CARMIL1: variants seen among roughly 807,000 people sequenced by gnomAD.
The protein encoded by CARMIL1 is F-actin-uncapping protein LRRC16A.
Under a neutral mutation model 177.1 loss-of-function variants are expected in CARMIL1, and 90 were observed. The ratio of observed to expected loss-of-function variants is 0.51; its 90% CI spans 0.43 to 0.61. The LOEUF is 0.61. Ranked by LOEUF, CARMIL1 falls within the 20% of genes least tolerant of loss-of-function variation. The pLI, the probability that CARMIL1 is intolerant of heterozygous loss-of-function variation, is 0.00. For missense variants in CARMIL1, 1,380 were observed against 1,667.0 expected (o/e 0.83, Z 3.00); for synonymous variants, 577 against 606.2 (o/e 0.95, Z 0.71).
chr6:25,576,044 G>A (rs1004450831), intron 29 of CARMIL1, among the ~76,000 whole-genome samples: 2 of 152,038 alleles, frequency 1.3e-5, no homozygotes, highest in Admixed American at 6.6e-5. Flanking sequence ...CTGACACTTC[G>A]CTTTCACAAA....
At chr6:25,494,862 A>G (rs1449816095) in intron 15 of CARMIL1, among the ~76,000 whole-genome samples, 2 of 152,250 alleles carry the variant, frequency 1.3e-5, no homozygotes, top group East Asian at 3.8e-4. Flanking sequence ...GTAAAACTCA[A>G]TGAATTCATT....
chr6:25,488,341 A>G (rs959304572), intron 12 of CARMIL1, 141 bp from the exon 13 acceptor site: 2 of 693,858 alleles, frequency 2.9e-6, no homozygotes, highest in African/African-American at 1.8e-5. Flanking sequence ...AGACACAATC[A>G]TAGCGCCACC....
At chr6:25,438,921 T>G (rs1176723670) in intron 5 of CARMIL1, among the ~76,000 whole-genome samples, 2 of 152,056 alleles carry the variant, frequency 1.3e-5, no homozygotes, top group Non-Finnish European at 2.9e-5. Flanking sequence ...GAAAGCTAAT[T>G]TGGACACTTG....
chr6:25,482,241 C>CT lies in CARMIL1; in HGVS notation c.875-11dup. 2.2e-6 allele frequency: 3 copies of CT among 1,381,708 alleles called. No individual in the cohort carries two copies. The highest frequency in any genetic ancestry group is 2.3e-5 in the East Asian group (1 of 42,648). 85.6% of individuals were successfully genotyped at this position (1,381,708 alleles called of 1,614,324 possible). The stretch of plus-strand genomic sequence containing the variant: ...GAGAACTTGAAAATTCTAATCGCTT[C>CT]TTTTTCCTTTCTCAGGTGTGTCCTC... On this transcript the variant is annotated splice_polypyrimidine_tract_variant and intron_variant, in intron 11 of 36. Transcript: ENST00000329474.
intron 8 of CARMIL1, chr6:25,451,986 G>GGGGGGGGGGGGGGGGGGGGCCCCC: frequency 8.9e-6 from 1 of 112,672 alleles, no homozygotes; most frequent in Non-Finnish European, 1.7e-5. Flanking sequence ...CTAGCATCTT[G>GGGGGGGGGGGGGGGGGGGGCCCCC]CCCCCCCCTC....
At chr6:25,456,727 CG>C (rs1409709148) in intron 8 of CARMIL1, among the ~76,000 whole-genome samples, 2 of 152,134 alleles carry the variant, frequency 1.3e-5, no homozygotes, top group African/African-American at 4.8e-5. Flanking sequence ...ATCGATTTCT[CG>C]TGTTCCTGAC....
intron 2 of CARMIL1, among the ~76,000 whole-genome samples, chr6:25,301,139 G>A (rs1229705134): frequency 6.6e-6 from 1 of 152,172 alleles, no homozygotes; most frequent in Admixed American, 6.5e-5. Context: ...CCCAAGGTAC[G>A]CATCGATAGG....
chr6:25,351,263 T>G lies in CARMIL1; in HGVS notation c.138+66354T>G. On this transcript the variant is annotated intron_variant, in intron 2 of 36. Coordinates refer to ENST00000329474, the MANE Select transcript of CARMIL1 (RefSeq NM_017640.6). ...TCTCATTAATAATTTTTTATATTGA[T>G]TACATGCTTAAAGGATAATGTTTTG... Among the ~76,000 whole-genome samples, 3 of 152,350 alleles carry G rather than the reference T, an allele frequency of 2.0e-5. No individual in the cohort carries two copies. The Middle Eastern group carries it at 0.01, about 518-fold the overall frequency.
At chr6:25,357,072 T>C (rs1046789805) in intron 2 of CARMIL1, among the ~76,000 whole-genome samples, 5 of 148,580 alleles carry the variant, frequency 3.4e-5, no homozygotes, top group Non-Finnish European at 7.4e-5. Context: ...GCAGAAGTCA[T>C]TGTGTTTTTT....
At chr6:25,565,418 T>G (rs1197032405) in intron 29 of CARMIL1, among the ~76,000 whole-genome samples, 1 of 152,188 alleles carries the variant, frequency 6.6e-6, no homozygotes, top group Non-Finnish European at 1.5e-5. Flanking sequence ...TAGTCAAGTC[T>G]GAATAAGGAG....
At chr6:25,408,292 T>TAAAAAAAAAA (rs1166997029) in intron 2 of CARMIL1, among the ~76,000 whole-genome samples, 3 of 96,454 alleles carry the variant, frequency 3.1e-5, no homozygotes, top group African/African-American at 4.2e-5. Flanking sequence ...TCTCTTAAAA[T>TAAAAAAAAAA]AAAAAAAAAA....
rs529554370 is a variant in CARMIL1 at position 25,593,433 on chromosome 6, C to T, written c.3007-982C>T. On this transcript the variant is annotated intron_variant, in intron 31 of 36. Coordinates refer to ENST00000329474, the MANE Select transcript of CARMIL1 (RefSeq NM_017640.6). ...AAGCAGTAAATTCCTTCTTCCTTAG[C>T]ATAAGGCTCAAGGCTGTTCCTTATG... Among the ~76,000 whole-genome samples, 76 of 152,314 alleles carry T rather than the reference C, an allele frequency of 5.0e-4. 1 individual carries two copies. The highest frequency in any genetic ancestry group is 1.6e-3 in the Admixed American group (25 of 15,302).
In CARMIL1 at chr6:25,515,276, CTA is replaced by C. The variant is rs1045445456; in HGVS notation, c.1633-397_1633-396del. Among the ~76,000 whole-genome samples, 2 of 152,114 alleles carry C rather than the reference CTA, an allele frequency of 1.3e-5. No homozygotes were observed. Among genetic ancestry groups the C allele is most frequent in the African/African-American group, 4.8e-5 (2 of 41,420 alleles). On this transcript the variant is annotated intron_variant, in intron 20 of 36. Coordinates refer to ENST00000329474, the MANE Select transcript of CARMIL1 (RefSeq NM_017640.6). The surrounding 1 kb of genome is among the most constrained non-coding windows in gnomAD (Gnocchi z 5.0). ...CTGGCTTTTATCTTGTATTTGTCCT[CTA>C]TTAGTATTTTAAGGTGTCATTTCAC...
At chr6:25,380,804 C>G (rs1688464975) in intron 2 of CARMIL1, among the ~76,000 whole-genome samples, 1 of 152,102 alleles carries the variant, frequency 6.6e-6, no homozygotes, top group African/African-American at 2.4e-5. Context: ...CGCATTTTTC[C>G]TTTAAGGAGC....
intron 23 of CARMIL1, among the ~76,000 whole-genome samples, chr6:25,524,540 A>C (rs1369444308): frequency 1.3e-5 from 2 of 152,242 alleles, no homozygotes; most frequent in Non-Finnish European, 2.9e-5. Flanking sequence ...TGATTACCTC[A>C]GGTTGTATTA....
chr6:25,431,253 C>G (rs1252750945), intron 4 of CARMIL1, among the ~76,000 whole-genome samples: 3 of 120,828 alleles, frequency 2.5e-5, no homozygotes, highest in East Asian at 5.1e-4. Context: ...GCTTTTAAAA[C>G]TACAAAGAAA....
chr6:25,402,423 G>C (rs558734285), intron 2 of CARMIL1, among the ~76,000 whole-genome samples: 29 of 152,264 alleles, frequency 1.9e-4, no homozygotes, highest in Non-Finnish European at 2.9e-4. Flanking sequence ...GCCAGCTACT[G>C]TTTCTTTTCA....
Position 25,332,768 on chromosome 6 carries a change from C to CACACACACAT in CARMIL1, c.138+47863_138+47864insACACATACAC, listed in dbSNP as rs1581593336. Among the ~76,000 whole-genome samples, 5 of 139,986 alleles carry CACACACACAT rather than the reference C, an allele frequency of 3.6e-5. No homozygotes were observed. The East Asian group carries it at 9.8e-4, about 27-fold the overall frequency. The allele number at this position is 139,986 out of a possible 152,430, so 91.8% of individuals were successfully genotyped here. ...ACACACACACACACACACACACACA[C>CACACACACAT]ACACGCGCACACACACACACACACT... On this transcript the variant is annotated intron_variant, in intron 2 of 36. Transcript: ENST00000329474.
intron 2 of CARMIL1, among the ~76,000 whole-genome samples, chr6:25,394,334 A>T (rs1793165026): frequency 6.6e-6 from 1 of 152,224 alleles, no homozygotes. Context: ...CAAGTGCTAA[A>T]GTGCTAAAAT....
Sources: allele counts gnomAD v4.1 joint callset (sites outside exome capture counted in the v4.1 genomes callset), GRCh38; gene constraint gnomAD v4.1.1; non-coding constraint Gnocchi (gnomAD v3.1); transcripts MANE v1.5; gene names NCBI Gene and HGNC (gene_info 2026-07-23, HGNC 2026-07-21).